NOD1: variants seen among roughly 807,000 people sequenced by gnomAD.
NOD1 encodes the protein nucleotide binding oligomerization domain containing 1.
A neutral mutation model predicts 81.2 loss-of-function variants in NOD1; 70 were observed. That is an observed-to-expected ratio of 0.86 (90% CI 0.71 to 1.05). The LOEUF (loss-of-function observed/expected upper bound fraction) is 1.05. Ranked by LOEUF, NOD1 falls within the 50% of genes least tolerant of loss-of-function variation. NOD1 has a pLI of 0.00. For missense variants in NOD1, 1,233 were observed against 1,228.0 expected (o/e 1.00, Z -0.06); for synonymous variants, 508 against 526.9 (o/e 0.96, Z 0.49).
chr7:30,450,173 A>G (rs566733351), intron 6 of NOD1, among the ~76,000 whole-genome samples: 4 of 152,230 alleles, frequency 2.6e-5, no homozygotes, highest in South Asian at 2.1e-4. Flanking sequence ...CAGCCTGGGC[A>G]ACAGAGCGGG....
At position 30,446,232 on chromosome 7, in the gene NOD1, G is replaced by C; in HGVS notation, c.2370-8C>G. 1 of 1,610,894 alleles carries C rather than the reference G, an allele frequency of 6.2e-7. No homozygotes were observed. Among genetic ancestry groups the C allele is most frequent in the Non-Finnish European group, 8.5e-7 (1 of 1,177,076 alleles). ...ATTTTGTTTTTTCCCAGTCTGCAGA[G>C]AGAGTCACACACAGTCAGCCTCCAG... On this transcript the variant is annotated splice_region_variant and splice_polypyrimidine_tract_variant and intron_variant, in intron 8 of 13. Transcript: ENST00000222823.
chr7:30,429,114 C>T (rs887410655), intron 13 of NOD1, among the ~76,000 whole-genome samples: 52 of 152,162 alleles, frequency 3.4e-4, no homozygotes, highest in African/African-American at 1.3e-3. Flanking sequence ...TAGATGAGGG[C>T]GGGGGCCCAG....
chr7:30,437,035 T>C (rs1171188833), intron 10 of NOD1, among the ~76,000 whole-genome samples: 2 of 152,180 alleles, frequency 1.3e-5, no homozygotes, highest in African/African-American at 4.8e-5. Context: ...TATGGAATAC[T>C]ATGCAACCAT....
In NOD1 at chr7:30,425,243, C is replaced by CA. The variant is rs1398505552; in HGVS notation, c.*394dup. 2 of 207,712 alleles carry CA rather than the reference C, an allele frequency of 9.6e-6. No individual in the cohort carries two copies. The highest frequency in any genetic ancestry group is 2.3e-5 in the African/African-American group (1 of 43,176). 12.9% of individuals were successfully genotyped at this position (207,712 alleles called of 1,614,324 possible). On this transcript the variant is annotated 3_prime_UTR_variant, in exon 14 of 14. Transcript: ENST00000222823. ...ACTTTGTGCCACATCCTCAACTCTTCAATGAAAAGAGCGGTGACCAACTCG... is the reference window on the plus strand; with the variant it reads ...ACTTTGTGCCACATCCTCAACTCTTCAAATGAAAAGAGCGGTGACCAACTCG...
At chr7:30,426,438 A>C (rs1783462226) in intron 13 of NOD1, among the ~76,000 whole-genome samples, 2 of 150,580 alleles carry the variant, frequency 1.3e-5, no homozygotes, top group South Asian at 2.1e-4. Context: ...CCTCCCTGGA[A>C]CCTCTATGTC....
chr7:30,427,811 G>A (rs1189770685), intron 13 of NOD1, among the ~76,000 whole-genome samples: 2 of 152,224 alleles, frequency 1.3e-5, no homozygotes, highest in Non-Finnish European at 2.9e-5. Flanking sequence ...CTACCCGCCT[G>A]ACCAGCTACA....
At position 30,455,327 on chromosome 7, in the gene NOD1, G is replaced by A; in HGVS notation, c.202-16C>T. On this transcript the variant is annotated splice_polypyrimidine_tract_variant and intron_variant, in intron 4 of 13. Transcript: ENST00000222823. ...TTTTGCGGACCTGGAGGTGACACAA[G>A]CATGAGGGCACGGGCTGGCATGAGG... 1 of 1,608,240 alleles carries A rather than the reference G, an allele frequency of 6.2e-7. No homozygotes were observed. The highest frequency in any genetic ancestry group is 8.5e-7 in the Non-Finnish European group (1 of 1,175,730).
chr7:30,451,837 A>G lies in NOD1; in HGVS notation c.1580T>C (p.Phe527Ser). 2 of 1,613,824 alleles carry G rather than the reference A, an allele frequency of 1.2e-6. No individual in the cohort carries two copies. The highest frequency in any genetic ancestry group is 1.7e-6 in the Non-Finnish European group (2 of 1,180,012). ...HLTLQAFFTAFFLVLDDRVGT... is the reference protein window; with the variant it reads ...HLTLQAFFTASFLVLDDRVGT... ...CACCCTGTCGTCCAGCACGAGGAAG[A>G]AGGCTGTAAAGAAGGCCTGGAGGGT... is the stretch of plus-strand genomic sequence containing the variant. Residue 527 changes from phenylalanine (F) to serine (S), a missense_variant, in exon 6 of 14, where the codon TTC becomes TCC. Physicochemically the swap from Phe to Ser is radical, Grantham distance 155. Coordinates refer to ENST00000222823, the MANE Select transcript of NOD1 (RefSeq NM_006092.4). This position sits in a 1 kb window ranked among gnomAD's most constrained non-coding sequence, Gnocchi z 4.2.
rs1457094033 is a variant in NOD1 at position 30,467,022 on chromosome 7, G to A, written c.-351-6981C>T. ...CATTTCTGTTAGAATTACTGGGTTGGTATCCCTAAAAGCCAAGCCGACCAG... is the reference window on the plus strand; with the variant it reads ...CATTTCTGTTAGAATTACTGGGTTGATATCCCTAAAAGCCAAGCCGACCAG... On this transcript the variant is annotated intron_variant, in intron 1 of 13. Transcript: ENST00000222823. This position sits in a 1 kb window ranked among gnomAD's most constrained non-coding sequence, Gnocchi z 4.5. 6.6e-6 allele frequency among the ~76,000 whole-genome samples: 1 copy of A among 152,132 alleles called. No individual in the cohort carries two copies. Among genetic ancestry groups the A allele is most frequent in the Admixed American group, 6.5e-5 (1 of 15,276 alleles).
chr7:30,458,608 T>C (rs541616402), intron 3 of NOD1, among the ~76,000 whole-genome samples: 1 of 152,060 alleles, frequency 6.6e-6, no homozygotes, highest in Admixed American at 6.6e-5. Flanking sequence ...ATCCAAATGA[T>C]AGAGCAGGAA....
chr7:30,463,672 A>G (rs747181644), intron 1 of NOD1: 1 of 152,088 alleles, frequency 6.6e-6, no homozygotes, highest in Non-Finnish European at 1.5e-5. Context: ...CCTTGAGCGG[A>G]GATGTGCATT....
chr7:30,437,304 T>C (rs1385615828), intron 10 of NOD1, among the ~76,000 whole-genome samples: 1 of 152,148 alleles, frequency 6.6e-6, no homozygotes, highest in South Asian at 2.1e-4. Flanking sequence ...GACAGGTTGA[T>C]AGGTGCAGCA....
At chr7:30,466,834 C>A (rs1247910223) in intron 1 of NOD1, among the ~76,000 whole-genome samples, 3 of 152,132 alleles carry the variant, frequency 2.0e-5, no homozygotes, top group Non-Finnish European at 2.9e-5. Context: ...TCAGACTCAG[C>A]AGTAATCTAT....
intron 5 of NOD1, 80 bp downstream of exon 5, chr7:30,455,057 A>C: frequency 7.2e-7 from 1 of 1,391,860 alleles, no homozygotes; most frequent in Non-Finnish European, 9.9e-7. Context: ...GGTGGCACTC[A>C]GGGCTGGCCC....
chr7:30,437,161 G>A (rs1250795425), intron 10 of NOD1, among the ~76,000 whole-genome samples: 1 of 152,102 alleles, frequency 6.6e-6, no homozygotes, highest in Non-Finnish European at 1.5e-5. Context: ...ACTCGTAAGT[G>A]GGAGTTGAAC....
chr7:30,477,589 A>C (rs1014009645), intron 1 of NOD1, among the ~76,000 whole-genome samples: 25 of 151,922 alleles, frequency 1.6e-4, no homozygotes, highest in Non-Finnish European at 2.9e-5. Context: ...ATCTCGGCTC[A>C]CTGCAACCTC....
intron 11 of NOD1, 52 bp downstream of exon 11, chr7:30,435,946 A>G: frequency 1.4e-6 from 2 of 1,460,210 alleles, no homozygotes; most frequent in Non-Finnish European, 1.9e-6. Context: ...CGACAAAGCA[A>G]GACCCTATCA....
chr7:30,462,395 G>C (rs778595677), intron 1 of NOD1, among the ~76,000 whole-genome samples: 2 of 148,974 alleles, frequency 1.3e-5, no homozygotes, highest in Admixed American at 6.7e-5. Context: ...CTAGAAACCC[G>C]CCTTTTGAAA....
intron 1 of NOD1, among the ~76,000 whole-genome samples, chr7:30,464,739 T>C (rs2128092924): frequency 6.6e-6 from 1 of 152,346 alleles, no homozygotes; most frequent in Admixed American, 6.5e-5. Context: ...TCACTGATTA[T>C]AAGGACCATC....
Sources: allele counts gnomAD v4.1 joint callset (sites outside exome capture counted in the v4.1 genomes callset), GRCh38; gene constraint gnomAD v4.1.1; non-coding constraint Gnocchi (gnomAD v3.1); transcripts MANE v1.5; gene names NCBI Gene and HGNC (gene_info 2026-07-23, HGNC 2026-07-21).